The following FILIP1L variants were observed in gnomAD, a reference collection of about 807,000 sequenced individuals.
The protein encoded by FILIP1L is filamin A interacting protein 1 like.
Under a neutral mutation model 96.6 loss-of-function variants are expected in FILIP1L, and 55 were observed. The ratio of observed to expected loss-of-function variants is 0.57; its 90% CI spans 0.46 to 0.71. The LOEUF is 0.71. Among genes scored for constraint, FILIP1L ranks in the 30% least tolerant of loss-of-function variants. The probability of loss-of-function intolerance (pLI) is 0.00; values close to 1 mark genes in which losing one functional copy is unlikely to be tolerated. For missense variants in FILIP1L, 1,304 were observed against 1,321.2 expected (o/e 0.99, Z 0.20); for synonymous variants, 467 against 473.9 (o/e 0.99, Z 0.19).
intron 4 of FILIP1L, chr3:99,874,249 G>T (rs1447425344): frequency 2.0e-5 from 3 of 152,190 alleles, no homozygotes; most frequent in African/African-American, 7.2e-5. Flanking sequence ...TTCAACAGTT[G>T]AGTTGTAGTT....
chr3:99,970,962 C>A (rs1273252171), intron 1 of FILIP1L, among the ~76,000 whole-genome samples: 3 of 152,208 alleles, frequency 2.0e-5, no homozygotes, highest in African/African-American at 7.2e-5. Context: ...CTTGGCAGTG[C>A]TCCTACCTGT....
At chr3:99,992,192 G>A (rs1164995609) in intron 1 of FILIP1L, among the ~76,000 whole-genome samples, 2 of 152,002 alleles carry the variant, frequency 1.3e-5, no homozygotes, top group Non-Finnish European at 2.9e-5. Flanking sequence ...TCCCAGTAGT[G>A]AAATTGCTGA....
At chr3:100,062,353 C>T (rs2065587664) in intron 1 of FILIP1L, among the ~76,000 whole-genome samples, 1 of 151,924 alleles carries the variant, frequency 6.6e-6, no homozygotes, top group African/African-American at 2.4e-5. Flanking sequence ...CCTCGCGATC[C>T]ACCCGTCTCG....
At chr3:99,987,543 A>G (rs541177013) in intron 1 of FILIP1L, among the ~76,000 whole-genome samples, 57 of 151,034 alleles carry the variant, frequency 3.8e-4, no homozygotes, top group South Asian at 1.0e-3. Flanking sequence ...AAAAAAAAAA[A>G]AAAGAAAGAA....
chr3:99,893,987 C>G (rs1706170458), intron 4 of FILIP1L, among the ~76,000 whole-genome samples: 1 of 152,140 alleles, frequency 6.6e-6, no homozygotes. Flanking sequence ...TATTAAGGAC[C>G]TGCTATGTTA....
chr3:99,996,246 G>A lies in FILIP1L; in HGVS notation c.-10-65216C>T, dbSNP rs145445431. ...AGTTTCACAAATCTCTAGGGCAGGGGCAAAATGCTGCCAATCTCTTTGCTA... is the reference window on the plus strand; with the variant it reads ...AGTTTCACAAATCTCTAGGGCAGGGACAAAATGCTGCCAATCTCTTTGCTA... On this transcript the variant is annotated intron_variant, in intron 1 of 5. Coordinates refer to ENST00000477258, the MANE Select transcript of FILIP1L (RefSeq NM_001387850.1). 7.2e-3 allele frequency among the ~76,000 whole-genome samples: 1,094 copies of A among 152,204 alleles called. 4 individuals are homozygous for A. Among genetic ancestry groups the A allele is most frequent in the African/African-American group, 1.0e-2 (414 of 41,514 alleles).
At chr3:100,095,394 C>T (rs2066187340) in intron 1 of FILIP1L, among the ~76,000 whole-genome samples, 1 of 151,954 alleles carries the variant, frequency 6.6e-6, no homozygotes, top group Admixed American at 6.6e-5. Context: ...TGAATTCAAC[C>T]AACTACATAT....
At chr3:99,875,985 C>T (rs1705492737) in intron 4 of FILIP1L, 1 of 888,438 alleles carries the variant, frequency 1.1e-6, no homozygotes, top group Non-Finnish European at 1.3e-6. Context: ...GATGCTGAGA[C>T]AGCTTTAACA....
chr3:99,975,683 G>A (rs568360530), intron 1 of FILIP1L, among the ~76,000 whole-genome samples: 21 of 152,258 alleles, frequency 1.4e-4, no homozygotes, highest in South Asian at 2.1e-4. Context: ...GGAAGAGAGC[G>A]TTCTGTTTTA....
intron 1 of FILIP1L, among the ~76,000 whole-genome samples, chr3:100,039,083 A>G (rs1302022451): frequency 6.6e-6 from 1 of 152,236 alleles, no homozygotes; most frequent in Non-Finnish European, 1.5e-5. Flanking sequence ...TAATGCTTAT[A>G]AAAAGAATAG....
intron 1 of FILIP1L, among the ~76,000 whole-genome samples, chr3:100,088,914 G>A (rs984887193): frequency 6.6e-6 from 1 of 150,458 alleles, no homozygotes; most frequent in Non-Finnish European, 1.5e-5. Flanking sequence ...TTTATTTTTT[G>A]TCCTTCTGAC....
intron 1 of FILIP1L, among the ~76,000 whole-genome samples, chr3:100,026,897 TG>T (rs1403179029): frequency 1.3e-5 from 2 of 152,138 alleles, no homozygotes; most frequent in Middle Eastern, 3.2e-3. Context: ...TTACTCAGCA[TG>T]AAAGCCAAGA....
At chr3:99,989,868 C>A (rs1709462334) in intron 1 of FILIP1L, among the ~76,000 whole-genome samples, 1 of 151,946 alleles carries the variant, frequency 6.6e-6, no homozygotes, top group Admixed American at 6.6e-5. Flanking sequence ...TGTATGTAGT[C>A]AATGTTAAGA....
intron 1 of FILIP1L, among the ~76,000 whole-genome samples, chr3:100,090,587 C>T (rs965999613): frequency 4.6e-5 from 7 of 152,330 alleles, no homozygotes; most frequent in African/African-American, 1.7e-4. Context: ...TCTTTCTCTG[C>T]AACACTAGCC....
intron 1 of FILIP1L, among the ~76,000 whole-genome samples, chr3:100,069,213 G>A (rs1052276704): frequency 1.3e-5 from 2 of 152,130 alleles, no homozygotes; most frequent in Non-Finnish European, 2.9e-5. Context: ...TTAAAAAGGT[G>A]CAATTCTATT....
rs368049787 is a variant in FILIP1L, at chr3:99,848,810, G to C, written c.2866C>G (p.Pro956Ala). The change falls in exon 5 of 6, where the codon CCA becomes GCA. Residue 956 changes from proline to alanine, a missense_variant. Physicochemically the swap from Pro to Ala is conservative, Grantham distance 27. Transcript: ENST00000477258. ...TCGGTAGAGGTTTTGGACTTTACTG[G>C]TGTTATGGAGGCGTTTTGGAGGATG... is the stretch of plus-strand genomic sequence containing the variant. The part of the protein sequence containing the change: ...ITILQNASIT[P>A]VKSKTSTEDL... 4 of 1,614,032 alleles carry C rather than the reference G, an allele frequency of 2.5e-6. No homozygotes were observed. The highest frequency in any genetic ancestry group is 1.3e-5 in the African/African-American group (1 of 74,920).
chr3:100,025,512 G>A (rs1431142588), intron 1 of FILIP1L: 1 of 152,090 alleles, frequency 6.6e-6, no homozygotes, highest in African/African-American at 2.4e-5. Flanking sequence ...AAACCATTAG[G>A]ATGAATACGA....
At chr3:100,069,667 T>G (rs1002452989) in intron 1 of FILIP1L, among the ~76,000 whole-genome samples, 3 of 152,160 alleles carry the variant, frequency 2.0e-5, no homozygotes, top group African/African-American at 7.2e-5. Flanking sequence ...TTCCTGGCAT[T>G]GCCTATCAGG....
At position 100,100,876 on chromosome 3, in the gene FILIP1L, A is replaced by T. The variant is rs1387892133; in HGVS notation, c.-11+13177T>A. ...TTCTTTCAGGCAGTTCATGAGGAAG[A>T]TCAGTTTTTCCTGATTCTTCCATTC... On this transcript the variant is annotated intron_variant, in intron 1 of 5. Transcript: ENST00000477258. Among the ~76,000 whole-genome samples, 3 of 152,276 alleles carry T rather than the reference A, an allele frequency of 2.0e-5. 1 individual carries two copies. The highest frequency in any genetic ancestry group is 7.2e-5 in the African/African-American group (3 of 41,556).
Sources: gnomAD v4.1 joint callset for allele counts (sites outside exome capture counted in the v4.1 genomes callset) on GRCh38, gnomAD v4.1.1 for gene constraint, MANE v1.5 for transcripts, NCBI Gene and HGNC (gene_info 2026-07-23, HGNC 2026-07-21) for gene names.